The following PSMD5 variants were observed in gnomAD, a reference collection of about 807,000 sequenced individuals.
PSMD5 encodes the protein proteasome 26S subunit, non-ATPase 5.
PSMD5 carries 40 observed loss-of-function variants against 52.1 expected under a neutral mutation model. That is an observed-to-expected ratio of 0.77 (90% confidence interval 0.60 to 1.00). The LOEUF is 1.00. PSMD5 is among the 50% of genes least tolerant of loss of function. The probability of loss-of-function intolerance (pLI) is 0.00; values close to 1 mark genes in which losing one functional copy is unlikely to be tolerated. For synonymous variants in PSMD5, 211 were observed against 226.6 expected (o/e 0.93, Z 0.62); for missense variants, 575 against 605.2 (o/e 0.95, Z 0.52).
At chr9:120,821,999 A>G (rs1290414093) in intron 7 of PSMD5, among the ~76,000 whole-genome samples, 1 of 152,152 alleles carries the variant, frequency 6.6e-6, no homozygotes, top group African/African-American at 2.4e-5. Flanking sequence ...CATTTGTTTG[A>G]GTCTCTGCTT....
rs565391144 is a variant in PSMD5, at chr9:120,841,408, T to C, written c.173+1329A>G. On this transcript the variant is annotated intron_variant, in intron 1 of 9. Transcript: ENST00000210313. ...TCCTGGCTAACATGGTGAAACCCCG[T>C]CTCTACTAAAAATACAAAAAATTAG... is the stretch of plus-strand genomic sequence containing the variant. 2.7e-3 allele frequency among the ~76,000 whole-genome samples: 411 copies of C among 152,032 alleles called. 4 individuals carry two copies. The highest frequency in any genetic ancestry group is 2.4e-3 in the Non-Finnish European group (161 of 67,960).
At chr9:120,842,647 G>C in intron 1 of PSMD5, 90 bp downstream of exon 1, 1 of 1,491,494 alleles carries the variant, frequency 6.7e-7, no homozygotes, top group Non-Finnish European at 9.1e-7. Flanking sequence ...CCCTGTGACT[G>C]GGAAAAGCGC....
At chr9:120,837,174 C>G (rs555720704) in intron 1 of PSMD5, among the ~76,000 whole-genome samples, 1 of 152,208 alleles carries the variant, frequency 6.6e-6, no homozygotes. Context: ...CAGGCGTTAG[C>G]CACCGCGCCC....
At position 120,817,930 on chromosome 9, in the gene PSMD5, C is replaced by T. The variant is rs905293314; in HGVS notation, c.1491G>A (p.Thr497=). ...EGPYYVKPVS[T]TAVEGAE is the part of the protein sequence containing the mutation. ...ATCATTCGGCTCCTTCTACTGCTGT[C>T]GTGGAAACAGGTTTCACATAGTATG... The change falls in exon 10 of 10, where the codon ACG becomes ACA. Residue 497 remains threonine, a synonymous_variant. Transcript: ENST00000210313. 11 of 1,613,296 alleles carry T rather than the reference C, an allele frequency of 6.8e-6. No individual in the cohort carries two copies. The highest frequency in any genetic ancestry group is 1.7e-5 in the Admixed American group (1 of 59,996).
At chr9:120,824,440 T>C (rs1222895618) in intron 7 of PSMD5, 54 bp downstream of exon 7, 1 of 1,562,584 alleles carries the variant, frequency 6.4e-7, no homozygotes, top group Non-Finnish European at 8.8e-7. Flanking sequence ...AACTTACATA[T>C]TGAACCCCTG....
At chr9:120,839,559 T>G (rs2045219452) in intron 1 of PSMD5, among the ~76,000 whole-genome samples, 1 of 152,142 alleles carries the variant, frequency 6.6e-6, no homozygotes. Context: ...ACATCATGAA[T>G]GGAGAACACT....
intron 1 of PSMD5, among the ~76,000 whole-genome samples, chr9:120,839,821 T>A (rs901026384): frequency 1.8e-5 from 2 of 108,262 alleles, no homozygotes; most frequent in African/African-American, 3.1e-5. Flanking sequence ...TTTTTTTTTT[T>A]AGACAGAGTC....
At chr9:120,837,046 T>C (rs1335701788) in intron 1 of PSMD5, among the ~76,000 whole-genome samples, 1 of 152,078 alleles carries the variant, frequency 6.6e-6, no homozygotes, top group Non-Finnish European at 1.5e-5. Context: ...CCTGCCACTA[T>C]GCCTGGCTAA....
At position 120,817,839 on chromosome 9, in the gene PSMD5, A is replaced by G. The variant is rs1285116570; in HGVS notation, c.*67T>C. 6.8e-7 allele frequency: 1 copy of G among 1,473,078 alleles called. No individual in the cohort carries two copies. The highest frequency in any genetic ancestry group is 2.3e-5 in the East Asian group (1 of 43,794). The allele number at this position is 1,473,078 out of a possible 1,614,324, so 91.3% of individuals were successfully genotyped here. A position where few individuals can be genotyped will look rare whatever the true frequency, so the allele number is the denominator to read the frequency against. On this transcript the variant is annotated 3_prime_UTR_variant, in exon 10 of 10. Coordinates refer to ENST00000210313, the MANE Select transcript of PSMD5 (RefSeq NM_005047.4). The stretch of plus-strand genomic sequence containing the variant: ...AGGAAGTCTCTTTTGTGAAATATAG[A>G]TGGAGTCAAATGCCTTAGGAGAAGT...
Position 120,821,350 on chromosome 9 carries a change from CTT to C in PSMD5, c.1116+3_1116+4del. ...CTGTCCTTCATTATTTCCCTACCTACTTACTGGTAAGTACAGAAGAGATGAAA... is the reference window on the plus strand; with the variant it reads ...CTGTCCTTCATTATTTCCCTACCTACACTGGTAAGTACAGAAGAGATGAAA... On this transcript the variant is annotated splice_donor_region_variant and intron_variant, in intron 8 of 9. Transcript: ENST00000210313. 3 of 1,526,586 alleles carry C rather than the reference CTT, an allele frequency of 2.0e-6. No individual in the cohort carries two copies. Among genetic ancestry groups the C allele is most frequent in the Non-Finnish European group, 2.7e-6 (3 of 1,120,226 alleles). The allele number at this position is 1,526,586 out of a possible 1,614,324, so 94.6% of individuals were successfully genotyped here. A position where few individuals can be genotyped will look rare whatever the true frequency, so the allele number is the denominator to read the frequency against.
intron 2 of PSMD5, among the ~76,000 whole-genome samples, chr9:120,832,157 G>C (rs1278388524): frequency 6.6e-6 from 1 of 152,030 alleles, no homozygotes; most frequent in African/African-American, 2.4e-5. Context: ...AAAGAAAGTG[G>C]GTAAAGAGGT....
intron 2 of PSMD5, among the ~76,000 whole-genome samples, chr9:120,832,953 T>G (rs984863815): frequency 6.6e-6 from 1 of 152,244 alleles, no homozygotes; most frequent in Non-Finnish European, 1.5e-5. Flanking sequence ...AGGAATCTTT[T>G]TCTTTACACT....
At chr9:120,837,952 T>C (rs1300281762) in intron 1 of PSMD5, among the ~76,000 whole-genome samples, 1 of 152,228 alleles carries the variant, frequency 6.6e-6, no homozygotes, top group Admixed American at 6.5e-5. Context: ...TATTTATTCA[T>C]GCCACATAGA....
Position 120,820,868 on chromosome 9 carries a change from G to A in PSMD5, c.1228C>T (p.Leu410=), listed in dbSNP as rs751081134. The A allele has an allele frequency of 1.2e-6, 2 of 1,602,882 alleles. No homozygotes were observed. The highest frequency in any genetic ancestry group is 2.2e-5 in the East Asian group (1 of 44,742). Residue 410 remains leucine (L), a synonymous_variant, in exon 9 of 10, where the codon CTA becomes TTA. Coordinates refer to ENST00000210313, the MANE Select transcript of PSMD5 (RefSeq NM_005047.4). ...AACACTTTTAAGGCAGCACAGTGTA[G>A]TTCAGGGAAGGGCTGACTACTAATG... ...RGISSQPFPE[L]HCAALKVFTA... is the part of the protein sequence containing the mutation.
chr9:120,831,615 T>A, intron 3 of PSMD5, 156 bp from the exon 4 acceptor site: 1 of 1,105,970 alleles, frequency 9.0e-7, no homozygotes, highest in Non-Finnish European at 1.3e-6. Flanking sequence ...CATAGAATTA[T>A]GATGGATACT....
chr9:120,833,104 T>A (rs1000534873), intron 2 of PSMD5, among the ~76,000 whole-genome samples: 1 of 152,246 alleles, frequency 6.6e-6, no homozygotes, highest in African/African-American at 2.4e-5. Flanking sequence ...GGAACTTCTT[T>A]CTTTAGCTTG....
chr9:120,841,439 CGTGGTGGCGGGCGCCTGTA>C (rs1428936721), intron 1 of PSMD5, among the ~76,000 whole-genome samples: 1 of 151,924 alleles, frequency 6.6e-6, no homozygotes, highest in Non-Finnish European at 1.5e-5. Context: ...ATTAGCCGGG[CGTGGTGGCGGGCGCCTGTA>C]GTCCCAGGTA....
At chr9:120,835,576 A>T (rs2045192031) in intron 1 of PSMD5, among the ~76,000 whole-genome samples, 1 of 151,964 alleles carries the variant, frequency 6.6e-6, no homozygotes, top group Admixed American at 6.6e-5. Context: ...AATACAAAAA[A>T]AATTAGCTGG....
rs2045144475 is a variant in PSMD5 at position 120,829,269 on chromosome 9, G to T, written c.562-61C>A. On this transcript the variant is annotated intron_variant, in intron 4 of 9. Coordinates refer to ENST00000210313, the MANE Select transcript of PSMD5 (RefSeq NM_005047.4). ...GGTCAAATCAGCCCTACGCCTGATA[G>T]ATCTCATTTTAAGTTAAATGTAGGA... 4.2e-6 allele frequency: 6 copies of T among 1,426,794 alleles called. No individual in the cohort carries two copies. In the Admixed American group the frequency reaches 1.5e-4, roughly 36 times the overall value. 88.4% of individuals were successfully genotyped at this position (1,426,794 alleles called of 1,614,324 possible). A position where few individuals can be genotyped will look rare whatever the true frequency, so the allele number is the denominator to read the frequency against.
Sources: gnomAD v4.1 joint callset for allele counts (sites outside exome capture counted in the v4.1 genomes callset) on GRCh38, gnomAD v4.1.1 for gene constraint, MANE v1.5 for transcripts, NCBI Gene and HGNC (gene_info 2026-07-23, HGNC 2026-07-21) for gene names.